Variants in CDH13 observed in about 807,000 individuals in gnomAD.
CDH13 encodes the protein cadherin 13, also known as cadherin-13.
A neutral mutation model predicts 63.8 loss-of-function variants in CDH13; 24 were observed. That is an observed-to-expected ratio of 0.38 (90% CI 0.27 to 0.53). The LOEUF is 0.53. Among genes scored for constraint, CDH13 ranks in the 20% least tolerant of loss-of-function variants. The pLI is 0.85. For missense variants in CDH13, 1,049 were observed against 903.1 expected (o/e 1.16, Z -2.07); for synonymous variants, 503 against 355.3 (o/e 1.42, Z -4.67).
intron 7 of CDH13, among the ~76,000 whole-genome samples, chr16:83,515,393 A>G (rs2074677556): frequency 6.6e-6 from 1 of 152,254 alleles, no homozygotes; most frequent in Non-Finnish European, 1.5e-5. Flanking sequence ...CGAAGAGTTA[A>G]CAAGCAATAA....
intron 3 of CDH13, among the ~76,000 whole-genome samples, chr16:83,034,409 G>C (rs4366698): frequency 0.75 from 114,364 of 152,126 alleles, 43,631 homozygotes; most frequent in African/African-American, 0.89. Context: ...TGTTTCAGAG[G>C]AAACTGGATA....
At chr16:82,904,845 G>A (rs960303893) in intron 2 of CDH13, among the ~76,000 whole-genome samples, 3 of 152,060 alleles carry the variant, frequency 2.0e-5, no homozygotes, top group African/African-American at 4.8e-5. Context: ...AATAGAGTGC[G>A]ACATTTGAAC....
intron 8 of CDH13, among the ~76,000 whole-genome samples, chr16:83,606,217 A>C (rs1159023031): frequency 6.6e-6 from 1 of 152,140 alleles, no homozygotes; most frequent in Admixed American, 6.5e-5. Context: ...GTCCTAAGTA[A>C]ATTTTTTCAT....
At chr16:82,883,783 C>G (rs1218498141) in intron 2 of CDH13, among the ~76,000 whole-genome samples, 1 of 152,156 alleles carries the variant, frequency 6.6e-6, no homozygotes, top group Admixed American at 6.5e-5. Flanking sequence ...ATGGTCTTCC[C>G]CATCTTGGTC....
At chr16:83,102,748 G>A (rs1221728276) in intron 3 of CDH13, among the ~76,000 whole-genome samples, 1 of 151,930 alleles carries the variant, frequency 6.6e-6, no homozygotes, top group Non-Finnish European at 1.5e-5. Flanking sequence ...ATTTTGGCTT[G>A]GAGCAAGGTG....
At chr16:83,115,546 A>T (rs973770521) in intron 3 of CDH13, among the ~76,000 whole-genome samples, 2 of 152,228 alleles carry the variant, frequency 1.3e-5, no homozygotes, top group African/African-American at 4.8e-5. Context: ...TCTTTGCGTG[A>T]AGCCTGCAAA....
chr16:82,751,726 G>C (rs966872007), intron 1 of CDH13, among the ~76,000 whole-genome samples: 1 of 148,144 alleles, frequency 6.8e-6, no homozygotes, highest in African/African-American at 2.5e-5. Flanking sequence ...AAAAAGTTTT[G>C]TCTGCTTTTT....
intron 5 of CDH13, among the ~76,000 whole-genome samples, chr16:83,288,895 C>T (rs746547311): frequency 1.7e-4 from 26 of 152,274 alleles, no homozygotes; most frequent in Admixed American, 9.8e-4. Flanking sequence ...TATTTGCATC[C>T]TTTTGAACAT....
intron 2 of CDH13, among the ~76,000 whole-genome samples, chr16:82,899,870 C>G (rs192025552): frequency 6.6e-6 from 1 of 152,138 alleles, no homozygotes; most frequent in South Asian, 2.1e-4. Flanking sequence ...ATAATAGGCC[C>G]ATGATTTCCT....
intron 10 of CDH13, chr16:83,721,876 A>G (rs12927653): frequency 0.26 from 38,855 of 152,156 alleles, 5,699 homozygotes; most frequent in African/African-American, 0.41. Flanking sequence ...AAGGTCAACC[A>G]TCTCACACAC....
At position 82,735,456 on chromosome 16, in the gene CDH13, G is replaced by T. The variant is rs188280380; in HGVS notation, c.45+108319G>T. On this transcript the variant is annotated intron_variant, in intron 1 of 13. Transcript: ENST00000567109. ...GGCATGAAACAATACAGTTATTTAT[G>T]CGACTTCATGAACTAGAGTATCGCC... 4.4e-3 allele frequency among the ~76,000 whole-genome samples: 671 copies of T among 152,332 alleles called. 1 individual carries two copies. Among genetic ancestry groups the T allele is most frequent in the African/African-American group, 0.013 (529 of 41,580 alleles).
intron 2 of CDH13, among the ~76,000 whole-genome samples, chr16:83,006,940 T>TTTTA (rs1913584018): frequency 6.6e-6 from 1 of 151,224 alleles, no homozygotes; most frequent in African/African-American, 2.4e-5. Context: ...TTGTTTTTTT[T>TTTTA]GAGACAGAGT....
intron 4 of CDH13, among the ~76,000 whole-genome samples, chr16:83,192,159 C>T (rs779706323): frequency 7.2e-5 from 11 of 152,312 alleles, no homozygotes; most frequent in Non-Finnish European, 1.3e-4. Flanking sequence ...CGTTCCTTTG[C>T]CTCCATTCCT....
intron 1 of CDH13, among the ~76,000 whole-genome samples, chr16:82,785,261 C>G (rs1360269588): frequency 6.6e-6 from 1 of 152,116 alleles, no homozygotes. Flanking sequence ...AGGCTGCCCA[C>G]CAGTCCCAGG....
chr16:83,771,149 C>T (rs562225254), intron 11 of CDH13, among the ~76,000 whole-genome samples: 2 of 152,212 alleles, frequency 1.3e-5, no homozygotes, highest in South Asian at 2.1e-4. Context: ...AACAGGTGCT[C>T]GATTCCTCTA....
At chr16:83,238,590 A>G (rs940185422) in intron 5 of CDH13, among the ~76,000 whole-genome samples, 22 of 152,142 alleles carry the variant, frequency 1.4e-4, no homozygotes, top group Admixed American at 1.3e-3. Flanking sequence ...ATGGATTTCT[A>G]TGTCCATAGT....
At chr16:82,866,001 C>G (rs189083706) in intron 2 of CDH13, among the ~76,000 whole-genome samples, 1 of 152,156 alleles carries the variant, frequency 6.6e-6, no homozygotes, top group African/African-American at 2.4e-5. Flanking sequence ...CCTAAATCAC[C>G]TCTCTCAAGT....
chr16:83,776,558 A>G (rs1045564080), intron 11 of CDH13, among the ~76,000 whole-genome samples: 4 of 152,188 alleles, frequency 2.6e-5, no homozygotes, highest in Admixed American at 2.0e-4. Context: ...GTGTTGATAT[A>G]TTTAAATTTC....
In CDH13 at chr16:83,249,982, A is replaced by G. The variant is rs143508688; in HGVS notation, c.636+32485A>G. On this transcript the variant is annotated intron_variant, in intron 5 of 13. Coordinates refer to ENST00000567109, the MANE Select transcript of CDH13 (RefSeq NM_001257.5). ...TCTCCCCAAAATAGCCCTATTGGTA[A>G]CCAACCAAGTAGTTGTTTCATTGCA... Among the ~76,000 whole-genome samples, 50 of 152,336 alleles carry G rather than the reference A, an allele frequency of 3.3e-4. No individual in the cohort carries two copies. The East Asian group carries it at 8.9e-3, about 27-fold the overall frequency.
Sources: gnomAD v4.1 joint callset for allele counts (sites outside exome capture counted in the v4.1 genomes callset) on GRCh38, gnomAD v4.1.1 for gene constraint, MANE v1.5 for transcripts, NCBI Gene and HGNC (gene_info 2026-07-23, HGNC 2026-07-21) for gene names.